The following NCAM2 variants were observed in gnomAD, a reference collection of about 807,000 sequenced individuals.
NCAM2 encodes the protein N-CAM-2.
A neutral mutation model predicts 98.1 loss-of-function variants in NCAM2; 30 were observed. The observed-to-expected ratio is 0.31, with a 90% CI of 0.23 to 0.41. The LOEUF (loss-of-function observed/expected upper bound fraction) is 0.41, where lower values mean the gene tolerates loss of function less well. NCAM2 is among the 10% of genes least tolerant of loss of function. The probability of loss-of-function intolerance (pLI) is 1.00; values close to 1 mark genes in which losing one functional copy is unlikely to be tolerated. For synonymous variants in NCAM2, 368 were observed against 342.4 expected (o/e 1.07, Z -0.83); for missense variants, 867 against 1,005.8 (o/e 0.86, Z 1.87).
intron 1 of NCAM2, among the ~76,000 whole-genome samples, chr21:21,265,653 T>G (rs1409880955): frequency 1.3e-5 from 2 of 151,022 alleles, no homozygotes; most frequent in Non-Finnish European, 2.9e-5. Context: ...GTGAAATAAC[T>G]CAGAAACAGA....
At chr21:21,184,410 T>C (rs2068573417) in intron 1 of NCAM2, among the ~76,000 whole-genome samples, 1 of 152,152 alleles carries the variant, frequency 6.6e-6, no homozygotes, top group African/African-American at 2.4e-5. Flanking sequence ...TTTGGTACTT[T>C]AAAGGCTGGT....
intron 12 of NCAM2, among the ~76,000 whole-genome samples, chr21:21,442,652 G>C (rs1334719548): frequency 6.6e-6 from 1 of 151,992 alleles, no homozygotes; most frequent in Non-Finnish European, 1.5e-5. Context: ...GTCAACAGAG[G>C]AATAAATAAA....
intron 1 of NCAM2, among the ~76,000 whole-genome samples, chr21:21,166,154 G>A (rs1014682840): frequency 6.6e-6 from 1 of 152,196 alleles, no homozygotes; most frequent in Non-Finnish European, 1.5e-5. Context: ...TTCCTGTTTA[G>A]TACATTATAA....
chr21:21,101,778 AAAAAT>A (rs1486497602), intron 1 of NCAM2, among the ~76,000 whole-genome samples: 1 of 152,096 alleles, frequency 6.6e-6, no homozygotes, highest in Non-Finnish European at 1.5e-5. Context: ...CTATACACAA[AAAAAT>A]AAATGAACAA....
intron 1 of NCAM2, among the ~76,000 whole-genome samples, chr21:21,232,856 C>T (rs1031182767): frequency 6.6e-6 from 1 of 151,548 alleles, no homozygotes; most frequent in Non-Finnish European, 1.5e-5. Flanking sequence ...AAATTCCAGT[C>T]TTTTGACATA....
At chr21:21,399,517 A>G (rs140494878) in intron 9 of NCAM2, among the ~76,000 whole-genome samples, 58 of 152,346 alleles carry the variant, frequency 3.8e-4, no homozygotes, top group African/African-American at 1.2e-3. Context: ...TACAATCATA[A>G]TACAGTTTTA....
At position 21,264,926 on chromosome 21, in the gene NCAM2, C is replaced by T. The variant is rs1407379214; in HGVS notation, c.56-15652C>T. Among the ~76,000 whole-genome samples, 48 of 97,474 alleles carry T rather than the reference C, an allele frequency of 4.9e-4. No individual in the cohort carries two copies. The South Asian group carries it at 0.015, about 31-fold the overall frequency. 63.9% of individuals were successfully genotyped at this position (97,474 alleles called of 152,430 possible). A position where few individuals can be genotyped will look rare whatever the true frequency, so the allele number is the denominator to read the frequency against. On this transcript the variant is annotated intron_variant, in intron 1 of 17. Transcript: ENST00000400546. The stretch of plus-strand genomic sequence containing the variant: ...TATATATACACATATATTAGATATA[C>T]ACATATATATGTGTGTGTATATATA...
intron 8 of NCAM2, among the ~76,000 whole-genome samples, chr21:21,348,446 A>T (rs1054248671): frequency 6.6e-6 from 1 of 152,160 alleles, no homozygotes; most frequent in East Asian, 1.9e-4. Context: ...AAAAAATTTA[A>T]GAGGACATCA....
chr21:21,272,454 T>C (rs1177241748), intron 1 of NCAM2, among the ~76,000 whole-genome samples: 1 of 151,762 alleles, frequency 6.6e-6, no homozygotes, highest in Non-Finnish European at 1.5e-5. Flanking sequence ...ATTTAAAAAC[T>C]ACACACATAT....
At chr21:21,138,315 T>G (rs1043982777) in intron 1 of NCAM2, among the ~76,000 whole-genome samples, 5 of 152,188 alleles carry the variant, frequency 3.3e-5, no homozygotes, top group Non-Finnish European at 7.3e-5. Flanking sequence ...CAGTACTTTT[T>G]AAACCTTGGT....
At chr21:21,400,401 A>G (rs1488320137) in intron 9 of NCAM2, among the ~76,000 whole-genome samples, 1 of 152,176 alleles carries the variant, frequency 6.6e-6, no homozygotes, top group Non-Finnish European at 1.5e-5. Flanking sequence ...TAGACACATT[A>G]CATCTTGTTT....
chr21:21,448,824 G>A (rs899850843), intron 12 of NCAM2, among the ~76,000 whole-genome samples: 3 of 152,028 alleles, frequency 2.0e-5, no homozygotes, highest in Admixed American at 1.3e-4. Context: ...CATATTTTCA[G>A]TGAAAGAAAA....
chr21:21,495,812 C>T (rs1249593533), intron 15 of NCAM2, among the ~76,000 whole-genome samples: 1 of 151,780 alleles, frequency 6.6e-6, no homozygotes, highest in East Asian at 1.9e-4. Context: ...CCATCTCAAA[C>T]ATTATTTTCT....
chr21:21,141,192 G>C (rs1042978623), intron 1 of NCAM2, among the ~76,000 whole-genome samples: 1 of 152,100 alleles, frequency 6.6e-6, no homozygotes, highest in African/African-American at 2.4e-5. Context: ...TTTTTCGCTA[G>C]AAATTTTGTA....
At chr21:21,417,357 A>G (rs1275648866) in intron 10 of NCAM2, among the ~76,000 whole-genome samples, 2 of 152,076 alleles carry the variant, frequency 1.3e-5, no homozygotes, top group Admixed American at 1.3e-4. Context: ...TACAAATTCT[A>G]AGCTTATTCC....
intron 11 of NCAM2, among the ~76,000 whole-genome samples, chr21:21,429,756 G>A (rs372456126): frequency 2.0e-5 from 3 of 152,170 alleles, no homozygotes; most frequent in Admixed American, 1.3e-4. Context: ...ACTTTTGGAT[G>A]CATCAGAATT....
intron 1 of NCAM2, among the ~76,000 whole-genome samples, chr21:21,024,790 G>C (rs2064508673): frequency 1.3e-5 from 2 of 151,936 alleles, no homozygotes; most frequent in South Asian, 4.1e-4. Flanking sequence ...GGGAAGCTGA[G>C]GCAGGAGAGT....
intron 5 of NCAM2, among the ~76,000 whole-genome samples, chr21:21,300,246 G>T (rs1001056876): frequency 6.6e-6 from 1 of 151,812 alleles, no homozygotes; most frequent in Non-Finnish European, 1.5e-5. Context: ...ATTTCCAGGG[G>T]CCCTATTTGC....
intron 15 of NCAM2, among the ~76,000 whole-genome samples, chr21:21,478,439 T>A (rs1373322084): frequency 1.3e-5 from 2 of 151,966 alleles, no homozygotes; most frequent in African/African-American, 4.8e-5. Flanking sequence ...ACTAGCTAGT[T>A]CAGTCATGTC....
Sources: allele counts gnomAD v4.1 joint callset (sites outside exome capture counted in the v4.1 genomes callset), GRCh38; gene constraint gnomAD v4.1.1; transcripts MANE v1.5; gene names NCBI Gene and HGNC (gene_info 2026-07-23, HGNC 2026-07-21).